Variants in COA1 observed in about 807,000 individuals in gnomAD.
The protein encoded by COA1 is cytochrome c oxidase assembly factor 1 homolog.
Under a neutral mutation model 16.0 loss-of-function variants are expected in COA1, and 13 were observed. That is an observed-to-expected ratio of 0.81 (90% CI 0.53 to 1.29). The LOEUF is 1.29. Ranked by LOEUF, COA1 falls within the 50% of genes most tolerant of loss-of-function variation. The pLI is 0.00. For missense variants in COA1, 179 were observed against 177.0 expected, an observed-to-expected ratio of 1.01 and a Z score of -0.06; for synonymous variants, 65 against 65.7, an observed-to-expected ratio of 0.99 and a Z score of 0.05.
intron 1 of COA1, among the ~76,000 whole-genome samples, chr7:43,669,210 G>A (rs1226089886): frequency 1.3e-5 from 2 of 152,170 alleles, no homozygotes; most frequent in African/African-American, 2.4e-5. Context: ...TCCACATGGG[G>A]GGATGTTATA....
chr7:43,667,244 A>T (rs1419710908), intron 1 of COA1, among the ~76,000 whole-genome samples: 2 of 152,224 alleles, frequency 1.3e-5, no homozygotes, highest in Admixed American at 1.3e-4. Flanking sequence ...TCCCAAAATC[A>T]AACTTCAAGT....
chr7:43,637,937 A>C (rs1360600906), downstream of COA1, among the ~76,000 whole-genome samples: 1 of 152,252 alleles, frequency 6.6e-6, no homozygotes, highest in Non-Finnish European at 1.5e-5. Flanking sequence ...GTCAGAGAAC[A>C]GACAGATAGG....
At chr7:43,669,408 T>C (rs2093109049) in intron 1 of COA1, among the ~76,000 whole-genome samples, 1 of 152,182 alleles carries the variant, frequency 6.6e-6, no homozygotes, top group South Asian at 2.1e-4. Context: ...TGGTGATTCC[T>C]GCCACCTTCT....
intron 6 of COA1, chr7:43,609,721 G>A (rs1336722144): frequency 1.3e-5 from 2 of 152,194 alleles, no homozygotes; most frequent in African/African-American, 4.8e-5. Context: ...CATTTACAAA[G>A]ATGGCCTTAC....
At chr7:43,628,588 G>GT (rs1226401680) in intron 6 of COA1, among the ~76,000 whole-genome samples, 1 of 152,176 alleles carries the variant, frequency 6.6e-6, no homozygotes, top group Non-Finnish European at 1.5e-5. Context: ...TACTCTGGTT[G>GT]TTTTTTACAT....
chr7:43,639,043 A>C (rs1297123183), downstream of COA1: 1 of 152,330 alleles, frequency 6.6e-6, no homozygotes. Flanking sequence ...AAAGCAAAGC[A>C]AACAAAATAT....
intron 1 of COA1, among the ~76,000 whole-genome samples, chr7:43,723,729 C>G (rs1372609938): frequency 6.6e-6 from 1 of 151,976 alleles, no homozygotes; most frequent in African/African-American, 2.4e-5. Flanking sequence ...GAGTTTGAGC[C>G]CAGCCTGGGC....
At chr7:43,709,583 A>C (rs748829033) in intron 1 of COA1, among the ~76,000 whole-genome samples, 16 of 152,196 alleles carry the variant, frequency 1.1e-4, no homozygotes, top group Non-Finnish European at 2.1e-4. Flanking sequence ...ACATATTCAC[A>C]TGTCTATTTC....
intron 6 of COA1, chr7:43,623,976 T>G (rs2084210388): frequency 3.2e-6 from 3 of 931,934 alleles, no homozygotes; most frequent in Non-Finnish European, 4.3e-6. Context: ...TTCTTGAATC[T>G]CCTCCAACCA....
At chr7:43,617,155 CATATG>C (rs142553851) in intron 6 of COA1, among the ~76,000 whole-genome samples, 8,313 of 152,182 alleles carry the variant, frequency 0.055, 757 homozygotes, top group African/African-American at 0.19. Flanking sequence ...GGGATCATGG[CATATG>C]ATGAGTCTGG....
intron 1 of COA1, among the ~76,000 whole-genome samples, chr7:43,683,655 C>T (rs2093879880): frequency 6.6e-6 from 1 of 151,974 alleles, no homozygotes; most frequent in African/African-American, 2.4e-5. Flanking sequence ...ATTTAATAGT[C>T]TAATGAATTT....
At chr7:43,612,284 CAACT>C (rs1175829919) in intron 6 of COA1, among the ~76,000 whole-genome samples, 19 of 152,260 alleles carry the variant, frequency 1.2e-4, no homozygotes, top group Admixed American at 1.1e-3. Context: ...GTCTCTGAGT[CAACT>C]ACTGGAGGGA....
rs1446637903 is a variant in COA1 at position 43,639,527 on chromosome 7, T to C, written c.*55A>G. ...ATGGGCCACCACCCCAGTGGCCATA[T>C]GGTAGAGATGAGGGAAGGATGGACT... On this transcript the variant is annotated 3_prime_UTR_variant, in exon 6 of 6. Transcript: ENST00000223336. 2.9e-5 allele frequency: 41 copies of C among 1,430,996 alleles called. 1 individual carries two copies. The highest frequency in any genetic ancestry group is 2.4e-4 in the South Asian group (21 of 87,096). 88.6% of individuals were successfully genotyped at this position (1,430,996 alleles called of 1,614,324 possible).
At chr7:43,656,928 C>T (rs944171515) in intron 1 of COA1, among the ~76,000 whole-genome samples, 31 of 152,158 alleles carry the variant, frequency 2.0e-4, no homozygotes, top group African/African-American at 4.1e-4. Context: ...GTTGCGGTGG[C>T]TCACGCCTGT....
At chr7:43,665,114 T>C (rs1335829385) in intron 1 of COA1, among the ~76,000 whole-genome samples, 1 of 152,210 alleles carries the variant, frequency 6.6e-6, no homozygotes, top group African/African-American at 2.4e-5. Context: ...GTGTTTTACA[T>C]GTTAATGGCT....
At chr7:43,624,673 C>G in intron 6 of COA1, 1 of 1,614,068 alleles carries the variant, frequency 6.2e-7, no homozygotes, top group Non-Finnish European at 8.5e-7. Flanking sequence ...ACCGACAAAT[C>G]AGAAACCAAG....
chr7:43,610,346 CAAAAAAAAAAAAAAA>C (rs138859141), intron 6 of COA1, among the ~76,000 whole-genome samples: 1 of 41,314 alleles, frequency 2.4e-5, no homozygotes, highest in Non-Finnish European at 4.0e-5. Context: ...GACTCCGTCT[CAAAAAAAAAAAAAAA>C]AAAAAAAAAA....
intron 1 of COA1, among the ~76,000 whole-genome samples, chr7:43,699,661 C>T (rs76371037): frequency 0.012 from 1,787 of 152,220 alleles, 27 homozygotes; most frequent in African/African-American, 0.041. Context: ...TATTTGATGG[C>T]TTCAAAGTGA....
chr7:43,669,167 C>G (rs893218212), intron 1 of COA1, among the ~76,000 whole-genome samples: 7 of 152,226 alleles, frequency 4.6e-5, no homozygotes, highest in Admixed American at 3.9e-4. Flanking sequence ...GAGTCATCAC[C>G]CAAAACCCCT....
Sources: allele counts gnomAD v4.1 joint callset (sites outside exome capture counted in the v4.1 genomes callset), GRCh38; gene constraint gnomAD v4.1.1; transcripts MANE v1.5; gene names NCBI Gene and HGNC (gene_info 2026-07-23, HGNC 2026-07-21).